The following FMNL3 variants were observed in gnomAD, a reference collection of about 807,000 sequenced individuals.
FMNL3 encodes formin-like protein 3.
In FMNL3, 57 loss-of-function variants were observed where a neutral mutation model predicts 119.6. The observed-to-expected ratio is 0.48, with a 90% CI of 0.39 to 0.59. The LOEUF (loss-of-function observed/expected upper bound fraction) is 0.59, where lower values mean the gene tolerates loss of function less well. Among genes scored for constraint, FMNL3 ranks in the 20% least tolerant of loss-of-function variants. The pLI is 0.00. For synonymous variants in FMNL3, 491 were observed against 507.3 expected (o/e 0.97, Z 0.43); for missense variants, 1,053 against 1,323.5 (o/e 0.80, Z 3.17).
In FMNL3 at chr12:49,641,798, C is replaced by T; in HGVS notation, c.*4017G>A. ...TAATGCAGACCACAGTCCTGTGGAT[C>T]TCTTCCAGAGGCAAGGGCCTTCTTG... On this transcript the variant is annotated 3_prime_UTR_variant, in exon 26 of 26. Coordinates refer to ENST00000335154, the MANE Select transcript of FMNL3 (RefSeq NM_175736.5). The T allele has an allele frequency of 1.2e-6, 1 of 845,800 alleles. No homozygotes were observed. The highest frequency in any genetic ancestry group is 1.9e-6 in the Non-Finnish European group (1 of 518,244). 52.4% of individuals were successfully genotyped at this position (845,800 alleles called of 1,614,324 possible).
intron 1 of FMNL3, among the ~76,000 whole-genome samples, chr12:49,705,902 T>G (rs186751778): frequency 2.0e-5 from 3 of 152,340 alleles, no homozygotes; most frequent in Non-Finnish European, 2.9e-5. Context: ...GCTCCACTGT[T>G]GCCAACAGAT....
rs756183644 is a variant in FMNL3, at chr12:49,644,053, C to T, written c.*1762G>A. 6.2e-6 allele frequency: 10 copies of T among 1,614,036 alleles called. No homozygotes were observed. The highest frequency in any genetic ancestry group is 3.3e-5 in the Admixed American group (2 of 60,012). ...AGTCAGCACGCTGGTCAAGCTTCCA[C>T]GGCCCTTAGTGCAGGCTAAGGGTGA... On this transcript the variant is annotated 3_prime_UTR_variant, in exon 26 of 26. Transcript: ENST00000335154.
At chr12:49,650,262 T>C (rs1943354470) in intron 17 of FMNL3, among the ~76,000 whole-genome samples, 1 of 152,202 alleles carries the variant, frequency 6.6e-6, no homozygotes, top group Non-Finnish European at 1.5e-5. Flanking sequence ...ATTCAATTTT[T>C]AGTACCCAAG....
intron 1 of FMNL3, among the ~76,000 whole-genome samples, chr12:49,695,063 T>C (rs1592695600): frequency 1.3e-5 from 2 of 151,768 alleles, no homozygotes; most frequent in East Asian, 3.9e-4. Flanking sequence ...TAGCTAGGCA[T>C]GGTGGTACAC....
chr12:49,662,939 T>G (rs1309055273), intron 4 of FMNL3, among the ~76,000 whole-genome samples: 2 of 152,198 alleles, frequency 1.3e-5, no homozygotes, highest in African/African-American at 2.4e-5. Context: ...CCTTCAGAAT[T>G]TCTGGGGGTC....
Position 49,644,425 on chromosome 12 carries a change from G to A in FMNL3, c.*1390C>T, listed in dbSNP as rs763397566. On this transcript the variant is annotated 3_prime_UTR_variant, in exon 26 of 26. Transcript: ENST00000335154. ...CTCAGCCCCAGACCAGAGATGGGTG[G>A]TATATGCCATGTGGGGTGGGTGATG... is the stretch of plus-strand genomic sequence containing the variant. 9.1e-6 allele frequency: 5 copies of A among 551,958 alleles called. No homozygotes were observed. The highest frequency in any genetic ancestry group is 1.6e-5 in the Non-Finnish European group (5 of 304,424). 34.2% of individuals were successfully genotyped at this position (551,958 alleles called of 1,614,324 possible).
rs748084661 is a variant in FMNL3, at chr12:49,648,268, G to A, written c.2601C>T (p.Asn867=). 1.2e-6 allele frequency: 2 copies of A among 1,614,032 alleles called. No individual in the cohort carries two copies. Among genetic ancestry groups the A allele is most frequent in the Non-Finnish European group, 1.7e-6 (2 of 1,179,988 alleles). ...LIRRECSIHD[N]SVLRNFLSTN... is the part of the protein sequence containing the mutation. ...TACTGAGGAAGTTCCGGAGGACGCT[G>A]TTGTCATGGATGCTGCACTCACGCC... Residue 867 remains asparagine, a synonymous_variant, in exon 22 of 26, where the codon AAC becomes AAT. Transcript: ENST00000335154.
rs749203336 is a variant in FMNL3, at chr12:49,643,677, T to A, written c.*2138A>T. 5.2e-5 allele frequency: 84 copies of A among 1,611,860 alleles called. No individual in the cohort carries two copies. The highest frequency in any genetic ancestry group is 1.6e-4 in the Middle Eastern group (1 of 6,070). On this transcript the variant is annotated 3_prime_UTR_variant, in exon 26 of 26. Transcript: ENST00000335154. ...TCTCCTGTTGGGACTTAGTAGGGAT[T>A]TTTCTATCTCTAGATCATGGCCTTC...
chr12:49,691,763 G>A (rs1205065350), intron 1 of FMNL3, among the ~76,000 whole-genome samples: 1 of 152,078 alleles, frequency 6.6e-6, no homozygotes, highest in Non-Finnish European at 1.5e-5. Context: ...GCCAGGTGCG[G>A]TGGCTCACGC....
chr12:49,654,835 G>T, intron 10 of FMNL3, 75 bp downstream of exon 10: 1 of 1,363,088 alleles, frequency 7.3e-7, no homozygotes, highest in Non-Finnish European at 1.0e-6. Context: ...ATACGCTGTT[G>T]GCCTCACCCC....
rs1040216519 is a variant in FMNL3, at chr12:49,691,059, A to G, written c.126+15996T>C. On this transcript the variant is annotated intron_variant, in intron 1 of 25. Transcript: ENST00000335154. ...CTGTCTGAAAAGCAACAACAAAAAA[A>G]ACTGGGCTTTGGCATCAGGCTGCTT... 4.6e-5 allele frequency among the ~76,000 whole-genome samples: 7 copies of G among 152,184 alleles called. No homozygotes were observed. The South Asian group carries it at 1.4e-3, about 32-fold the overall frequency.
At chr12:49,662,986 C>A (rs1312179530) in intron 4 of FMNL3, among the ~76,000 whole-genome samples, 2 of 152,290 alleles carry the variant, frequency 1.3e-5, no homozygotes, top group East Asian at 3.9e-4. Context: ...CCCTGCGGGG[C>A]CTTTCTCCCC....
At chr12:49,652,354 TG>T in intron 13 of FMNL3, 142 bp from the exon 14 acceptor site, 1 of 1,417,152 alleles carries the variant, frequency 7.1e-7, no homozygotes, top group Non-Finnish European at 9.2e-7. Flanking sequence ...GAAACCCAGG[TG>T]GGGGAATGAG....
intron 2 of FMNL3, among the ~76,000 whole-genome samples, chr12:49,667,938 T>C (rs1186996516): frequency 6.6e-6 from 1 of 152,162 alleles, no homozygotes; most frequent in African/African-American, 2.4e-5. Context: ...CCAGGTCATA[T>C]GTGTTAGAAG....
At chr12:49,662,104 A>AG (rs552001286) in intron 4 of FMNL3, 55 bp from the exon 5 acceptor site, 1,317 of 1,550,280 alleles carry the variant, frequency 8.5e-4, no homozygotes, top group South Asian at 1.1e-3. Context: ...GTCAAGGATG[A>AG]GGGGGGTGAC....
At chr12:49,684,849 G>A (rs73306808) in intron 1 of FMNL3, among the ~76,000 whole-genome samples, 1 of 152,076 alleles carries the variant, frequency 6.6e-6, no homozygotes, top group Non-Finnish European at 1.5e-5. Flanking sequence ...GCTTATATGA[G>A]GTTGATTCTG....
At chr12:49,696,360 C>T (rs1170480339) in intron 1 of FMNL3, among the ~76,000 whole-genome samples, 1 of 152,120 alleles carries the variant, frequency 6.6e-6, no homozygotes, top group Non-Finnish European at 1.5e-5. Context: ...CCCCATGGAA[C>T]CCATGTGTAT....
chr12:49,650,767 T>G lies in FMNL3; in HGVS notation c.1909A>C (p.Thr637Pro). The stretch of plus-strand genomic sequence containing the variant: ...TTGGCACGATTGGCTTCCAACAGAG[T>G]CACCTTGCTGGCAGCTTTTTGCGCT... ...KTAQKAASKV[T>P]LLEANRAKNL... The change falls in exon 17 of 26, where the codon ACT becomes CCT. Residue 637 changes from threonine to proline, a missense_variant. Around this residue, in one of 4 missense-constraint regions of FMNL3, gnomAD observed 445 missense variants for 628.4 expected, o/e 0.71. Coordinates refer to ENST00000335154, the MANE Select transcript of FMNL3 (RefSeq NM_175736.5). 6.2e-7 allele frequency: 1 copy of G among 1,614,138 alleles called. No individual in the cohort carries two copies. Among genetic ancestry groups the G allele is most frequent in the African/African-American group, 1.3e-5 (1 of 75,026 alleles).
chr12:49,645,902 G>T lies in FMNL3; in HGVS notation c.2997C>A (p.Gly999=), dbSNP rs1293670354. ...KDGTIEDIIT[G]LHCQPMVVRH... Reference sequence around the variant, plus strand: ...GAACAACCATAGGCTGGCAGTGGAGGCCTGTGGGGGAAGAGAGAGACCTGT... The same window carrying T: ...GAACAACCATAGGCTGGCAGTGGAGTCCTGTGGGGGAAGAGAGAGACCTGT... Residue 999 remains glycine, a splice_region_variant and synonymous_variant, in exon 26 of 26, where the codon GGC becomes GGA. Transcript: ENST00000335154. The T allele has an allele frequency of 6.2e-7, 1 of 1,612,146 alleles. No homozygotes were observed. The highest frequency in any genetic ancestry group is 2.2e-5 in the East Asian group (1 of 44,712).
Sources: gnomAD v4.1 joint callset for allele counts (sites outside exome capture counted in the v4.1 genomes callset) on GRCh38, gnomAD v4.1.1 for gene constraint, gnomAD v4.1.1 regional missense constraint, MANE v1.5 for transcripts, NCBI Gene and HGNC (gene_info 2026-07-23, HGNC 2026-07-21) for gene names.